Variants in CHD1 observed in about 807,000 individuals in gnomAD.
CHD1 encodes the protein chromodomain helicase DNA binding protein 1.
Under a neutral mutation model 224.2 loss-of-function variants are expected in CHD1, and 36 were observed. The observed-to-expected ratio is 0.16, with a 90% CI of 0.12 to 0.21. The LOEUF (loss-of-function observed/expected upper bound fraction) is 0.21. CHD1 is among the 10% of genes least tolerant of loss of function. CHD1 has a pLI of 1.00. For missense variants in CHD1, 1,378 were observed against 1,994.8 expected (o/e 0.69, Z 5.89); for synonymous variants, 668 against 658.3 (o/e 1.01, Z -0.23).
chr5:98,863,275 A>C, intron 32 of CHD1, 133 bp downstream of exon 32: 1 of 478,754 alleles, frequency 2.1e-6, no homozygotes, highest in South Asian at 6.8e-5. Flanking sequence ...GAAAAATTAA[A>C]ACAATCATCT....
At chr5:98,906,090 A>ATTT (rs1046293254) in intron 2 of CHD1, among the ~76,000 whole-genome samples, 11 of 150,854 alleles carry the variant, frequency 7.3e-5, no homozygotes, top group African/African-American at 2.7e-4. Flanking sequence ...CAACACAGTA[A>ATTT]TTCTCTTTTT....
At chr5:98,893,724 A>C (rs906563993) in intron 13 of CHD1, 118 bp from the exon 14 acceptor site, 12 of 656,572 alleles carry the variant, frequency 1.8e-5, no homozygotes, top group Non-Finnish European at 3.0e-5. Context: ...ACTTTGTCTA[A>C]TTTTCAAATA....
chr5:98,868,425 C>T, intron 31 of CHD1, 70 bp downstream of exon 31: 1 of 1,313,254 alleles, frequency 7.6e-7, no homozygotes. Flanking sequence ...AAATTAAATG[C>T]TATAAATGAC....
intron 2 of CHD1, among the ~76,000 whole-genome samples, chr5:98,908,024 T>C (rs1752160460): frequency 6.6e-6 from 1 of 152,156 alleles, no homozygotes; most frequent in South Asian, 2.1e-4. Context: ...GCAAATGCTC[T>C]TTCTAAAATA....
chr5:98,889,340 G>T, intron 15 of CHD1, 102 bp from the exon 16 acceptor site: 1 of 768,328 alleles, frequency 1.3e-6, no homozygotes, highest in Non-Finnish European at 2.0e-6. Context: ...TAGTACCAAA[G>T]TAAAACTGTA....
intron 35 of CHD1, among the ~76,000 whole-genome samples, chr5:98,857,866 T>C (rs181493315): frequency 3.8e-4 from 57 of 149,840 alleles, no homozygotes; most frequent in African/African-American, 1.3e-3. Flanking sequence ...ATCCCACTTA[T>C]TATATTTTAA....
chr5:98,901,147 T>C, intron 6 of CHD1, 39 bp downstream of exon 6: 2 of 1,585,840 alleles, frequency 1.3e-6, no homozygotes, highest in Non-Finnish European at 1.7e-6. Context: ...GAACAAATAC[T>C]TTCCACAATC....
intron 26 of CHD1, among the ~76,000 whole-genome samples, chr5:98,873,159 T>G (rs192319788): frequency 6.5e-4 from 99 of 152,276 alleles, no homozygotes; most frequent in African/African-American, 2.3e-3. Flanking sequence ...ATAATTTTTA[T>G]TCAGGTAAAT....
At chr5:98,889,047 A>G in intron 16 of CHD1, 29 bp downstream of exon 16, 2 of 1,464,730 alleles carry the variant, frequency 1.4e-6, no homozygotes, top group Non-Finnish European at 9.4e-7. Flanking sequence ...GAACTTTATC[A>G]CAAAGAAACA....
intron 2 of CHD1, among the ~76,000 whole-genome samples, chr5:98,914,359 T>C (rs751171399): frequency 6.6e-6 from 1 of 152,210 alleles, no homozygotes; most frequent in South Asian, 2.1e-4. Context: ...TTCTCTAATA[T>C]AGTACCCTGT....
chr5:98,905,667 C>T (rs1308905125), intron 2 of CHD1, among the ~76,000 whole-genome samples: 1 of 152,146 alleles, frequency 6.6e-6, no homozygotes, highest in African/African-American at 2.4e-5. Flanking sequence ...AAATCAGTAA[C>T]ACTGCTTGTC....
At chr5:98,921,108 G>A (rs1347681096) in intron 2 of CHD1, among the ~76,000 whole-genome samples, 1 of 152,166 alleles carries the variant, frequency 6.6e-6, no homozygotes, top group African/African-American at 2.4e-5. Context: ...TGGAAAGTGG[G>A]AATCATAACA....
chr5:98,880,315 A>T (rs1750079145), intron 22 of CHD1, among the ~76,000 whole-genome samples: 1 of 152,216 alleles, frequency 6.6e-6, no homozygotes, highest in South Asian at 2.1e-4. Flanking sequence ...AACCAGGATT[A>T]CTCAACATTC....
chr5:98,908,750 A>G (rs1752204733), intron 2 of CHD1, among the ~76,000 whole-genome samples: 1 of 152,172 alleles, frequency 6.6e-6, no homozygotes, highest in African/African-American at 2.4e-5. Context: ...TTAAAGTGGT[A>G]GGTAGATTGC....
intron 26 of CHD1, 139 bp from the exon 27 acceptor site, chr5:98,872,694 C>T: frequency 1.4e-6 from 1 of 738,088 alleles, no homozygotes; most frequent in Admixed American, 2.9e-5. Flanking sequence ...TACTGGAAAA[C>T]CTTGAACTTC....
At chr5:98,918,143 T>C (rs1752864885) in intron 2 of CHD1, among the ~76,000 whole-genome samples, 1 of 151,718 alleles carries the variant, frequency 6.6e-6, no homozygotes, top group Non-Finnish European at 1.5e-5. Flanking sequence ...CTGCAAGCTC[T>C]GCCTCCTGGG....
intron 29 of CHD1, among the ~76,000 whole-genome samples, 163 bp downstream of exon 29, chr5:98,870,524 T>C (rs979357655): frequency 6.6e-6 from 1 of 152,180 alleles, no homozygotes; most frequent in Admixed American, 6.5e-5. Context: ...TGAGATAATT[T>C]AAGGTAAAAT....
intron 31 of CHD1, among the ~76,000 whole-genome samples, 164 bp downstream of exon 31, chr5:98,868,331 G>GAAAAAAAAAAAAA (rs58475767): frequency 1.1e-5 from 1 of 91,686 alleles, no homozygotes; most frequent in African/African-American, 3.8e-5. Flanking sequence ...ACTCAAAAAA[G>GAAAAAAAAAAAAA]AAAAAAAAAA....
At chr5:98,894,303 T>C (rs1026048675) in intron 13 of CHD1, among the ~76,000 whole-genome samples, 1 of 152,200 alleles carries the variant, frequency 6.6e-6, no homozygotes, top group African/African-American at 2.4e-5. Context: ...TATAACAAAC[T>C]GGTTTCATTC....
Sources: allele counts gnomAD v4.1 joint callset (sites outside exome capture counted in the v4.1 genomes callset), GRCh38; gene constraint gnomAD v4.1.1; transcripts MANE v1.5; gene names NCBI Gene and HGNC (gene_info 2026-07-23, HGNC 2026-07-21).